STARD13: variants seen among roughly 807,000 people sequenced by gnomAD.
STARD13 encodes StAR related lipid transfer domain containing 13, also known as stAR-related lipid transfer protein 13.
STARD13 carries 62 observed loss-of-function variants against 106.4 expected under a neutral mutation model. The observed-to-expected ratio is 0.58, with a 90% CI of 0.48 to 0.72. The LOEUF (loss-of-function observed/expected upper bound fraction) is 0.72, where lower values mean the gene tolerates loss of function less well. Ranked by LOEUF, STARD13 falls within the 30% of genes least tolerant of loss-of-function variation. STARD13 has a pLI of 0.00. For missense variants in STARD13, 1,387 were observed against 1,424.0 expected, an observed-to-expected ratio of 0.97 and a Z score of 0.42; for synonymous variants, 565 against 553.0, an observed-to-expected ratio of 1.02 and a Z score of -0.31.
chr13:33,328,825 A>C (rs1418775325), intron 1 of STARD13, among the ~76,000 whole-genome samples: 5 of 152,208 alleles, frequency 3.3e-5, no homozygotes, highest in Non-Finnish European at 7.3e-5. Flanking sequence ...ACTGCCTTTC[A>C]TATGCAGATG....
chr13:33,144,613 T>G (rs1182838551), intron 3 of STARD13, among the ~76,000 whole-genome samples: 1 of 152,216 alleles, frequency 6.6e-6, no homozygotes, highest in Admixed American at 6.5e-5. Flanking sequence ...TAGCAGGCAA[T>G]GCTGAGTTGG....
chr13:33,672,204 T>C, the STARD13 span, among the ~76,000 whole-genome samples: 1 of 152,260 alleles, frequency 6.6e-6, no homozygotes, highest in Non-Finnish European at 1.5e-5. Context: ...AATGGGTTCA[T>C]GTCCTTTGCA....
the STARD13 span, among the ~76,000 whole-genome samples, chr13:33,359,238 G>A: frequency 1.3e-5 from 2 of 152,088 alleles, no homozygotes; most frequent in African/African-American, 4.8e-5. Context: ...ACACTGCAAA[G>A]ATCTGCAGCT....
chr13:33,252,558 A>G (rs1427781119), intron 1 of STARD13, among the ~76,000 whole-genome samples: 1 of 152,234 alleles, frequency 6.6e-6, no homozygotes, highest in East Asian at 1.9e-4. Flanking sequence ...AGATCTACAC[A>G]TGCAGGGCTT....
intron 8 of STARD13, chr13:33,113,254 G>T: frequency 4.9e-6 from 2 of 405,130 alleles, no homozygotes; most frequent in South Asian, 4.8e-5. Context: ...CTTTCAGAAG[G>T]CTTCTGGGTG....
chr13:33,323,585 G>T (rs181285799), intron 1 of STARD13, among the ~76,000 whole-genome samples: 8 of 152,230 alleles, frequency 5.3e-5, no homozygotes, highest in Non-Finnish European at 1.0e-4. Context: ...TCAATGTAAC[G>T]GTACATACAT....
At chr13:33,604,770 GC>G in the STARD13 span, among the ~76,000 whole-genome samples, 1 of 151,248 alleles carries the variant, frequency 6.6e-6, no homozygotes, top group African/African-American at 2.4e-5. Flanking sequence ...CTGCACTCCA[GC>G]CCGAGGGACA....
chr13:33,147,540 A>G (rs1291310224), intron 3 of STARD13, among the ~76,000 whole-genome samples: 1 of 152,244 alleles, frequency 6.6e-6, no homozygotes, highest in East Asian at 1.9e-4. Flanking sequence ...TTCAGTGGAT[A>G]CAACAAGGGA....
chr13:33,210,537 C>T (rs1477359757), intron 1 of STARD13, among the ~76,000 whole-genome samples: 1 of 152,158 alleles, frequency 6.6e-6, no homozygotes, highest in Non-Finnish European at 1.5e-5. Context: ...ACATAAAATG[C>T]TTGCCACAGA....
At chr13:33,471,633 GTT>G in the STARD13 span, among the ~76,000 whole-genome samples, 166 of 124,422 alleles carry the variant, frequency 1.3e-3, no homozygotes, top group Admixed American at 5.5e-3. Context: ...TTGGCCCCCT[GTT>G]TTTTTTTTTT....
chr13:33,324,354 A>G (rs1893664614), intron 1 of STARD13, among the ~76,000 whole-genome samples: 1 of 152,184 alleles, frequency 6.6e-6, no homozygotes, highest in South Asian at 2.1e-4. Context: ...CTCAAGTCCT[A>G]CATAACAAAA....
At chr13:33,514,648 C>T in the STARD13 span, among the ~76,000 whole-genome samples, 23 of 152,172 alleles carry the variant, frequency 1.5e-4, no homozygotes, top group Non-Finnish European at 2.8e-4. Context: ...TGCAGCTGCA[C>T]GCTAGAACAG....
At chr13:33,153,599 C>T (rs575883591) in intron 3 of STARD13, among the ~76,000 whole-genome samples, 15 of 152,302 alleles carry the variant, frequency 9.8e-5, no homozygotes, top group Non-Finnish European at 1.5e-4. Flanking sequence ...AGACACCCAG[C>T]GGCCCTCTGC....
chr13:33,362,897 G>A, the STARD13 span, among the ~76,000 whole-genome samples: 2 of 152,168 alleles, frequency 1.3e-5, no homozygotes, highest in Non-Finnish European at 1.5e-5. Context: ...AGCAGTGTTT[G>A]ATACACAGTA....
At chr13:33,607,028 C>G in the STARD13 span, among the ~76,000 whole-genome samples, 1 of 151,966 alleles carries the variant, frequency 6.6e-6, no homozygotes, top group South Asian at 2.1e-4. Flanking sequence ...TACCTTCATT[C>G]CTTTTGTCAC....
At chr13:33,658,726 T>C in the STARD13 span, among the ~76,000 whole-genome samples, 1 of 152,192 alleles carries the variant, frequency 6.6e-6, no homozygotes, top group South Asian at 2.1e-4. Flanking sequence ...TGTCTTTTAG[T>C]ATGCTAAGAC....
At chr13:33,549,717 ATC>A in the STARD13 span, among the ~76,000 whole-genome samples, 1 of 152,138 alleles carries the variant, frequency 6.6e-6, no homozygotes, top group African/African-American at 2.4e-5. Flanking sequence ...CTTACATGAC[ATC>A]TGTTTCTTCC....
At chr13:33,108,014 T>C (rs1874004093) in intron 12 of STARD13, among the ~76,000 whole-genome samples, 2 of 152,218 alleles carry the variant, frequency 1.3e-5, no homozygotes, top group Non-Finnish European at 2.9e-5. Context: ...CCCACACAAA[T>C]GCTCAGCGAC....
chr13:33,206,051 G>C, intron 1 of STARD13: 1 of 985,164 alleles, frequency 1.0e-6, no homozygotes, highest in Non-Finnish European at 1.2e-6. Flanking sequence ...TGCCTGGTTT[G>C]AGGTTGGTTT....
Sources: allele counts gnomAD v4.1 joint callset (sites outside exome capture counted in the v4.1 genomes callset), GRCh38; gene constraint gnomAD v4.1.1; transcripts MANE v1.5; gene names NCBI Gene and HGNC (gene_info 2026-07-23, HGNC 2026-07-21).